Variants in GNB4 observed in about 807,000 individuals in gnomAD.
GNB4 encodes G protein subunit beta 4.
GNB4 carries 28 observed loss-of-function variants against 45.2 expected under a neutral mutation model. The ratio of observed to expected loss-of-function variants is 0.62; its 90% confidence interval spans 0.46 to 0.85. The LOEUF (loss-of-function observed/expected upper bound fraction) is 0.85. GNB4 is among the 40% of genes least tolerant of loss of function. The pLI is 0.00. For missense variants in GNB4, 321 were observed against 425.4 expected (o/e 0.75, Z 2.16); for synonymous variants, 132 against 143.7 (o/e 0.92, Z 0.58).
At chr3:179,408,872 C>T (rs1285076344) in intron 8 of GNB4, among the ~76,000 whole-genome samples, 1 of 151,380 alleles carries the variant, frequency 6.6e-6, no homozygotes, top group East Asian at 1.9e-4. Context: ...AAGGGCCAGG[C>T]ATGGTGGCTC....
chr3:179,472,079 T>C, the GNB4 span, among the ~76,000 whole-genome samples: 1 of 152,038 alleles, frequency 6.6e-6, no homozygotes, highest in African/African-American at 2.4e-5. Flanking sequence ...TTATTTTTTA[T>C]TTGGGAAAAA....
intron 2 of GNB4, among the ~76,000 whole-genome samples, chr3:179,425,826 T>C (rs1297627544): frequency 6.6e-6 from 1 of 152,238 alleles, no homozygotes; most frequent in African/African-American, 2.4e-5. Flanking sequence ...TAGTGTGACA[T>C]TATATTGTGA....
intron 1 of GNB4, among the ~76,000 whole-genome samples, chr3:179,450,475 A>C (rs1041706484): frequency 8.5e-5 from 13 of 152,222 alleles, no homozygotes; most frequent in Admixed American, 6.5e-4. Flanking sequence ...TAAATTTTGA[A>C]CGTTTTAAGA....
chr3:179,475,409 A>G, the GNB4 span, among the ~76,000 whole-genome samples: 66 of 151,632 alleles, frequency 4.4e-4, no homozygotes, highest in South Asian at 4.8e-3. Flanking sequence ...GTGAGCCACC[A>G]CACCTGGCCC....
At chr3:179,527,632 T>A in the GNB4 span, among the ~76,000 whole-genome samples, 1 of 152,194 alleles carries the variant, frequency 6.6e-6, no homozygotes, top group African/African-American at 2.4e-5. Context: ...AAAGTATAAA[T>A]TCAAATAGTT....
chr3:179,468,044 A>ATATG, the GNB4 span, among the ~76,000 whole-genome samples: 4 of 99,044 alleles, frequency 4.0e-5, no homozygotes, highest in Non-Finnish European at 9.3e-5. Flanking sequence ...AAATATATAT[A>ATATG]TATATAGAAC....
At chr3:179,519,774 T>A in the GNB4 span, among the ~76,000 whole-genome samples, 3 of 152,210 alleles carry the variant, frequency 2.0e-5, no homozygotes, top group South Asian at 6.2e-4. Flanking sequence ...CTCTACTCCC[T>A]CCTCGGCAAC....
At chr3:179,490,548 C>A in the GNB4 span, among the ~76,000 whole-genome samples, 1 of 152,148 alleles carries the variant, frequency 6.6e-6, no homozygotes, top group East Asian at 1.9e-4. Context: ...ATGTCAGTAG[C>A]ATGACTCAGT....
the GNB4 span, among the ~76,000 whole-genome samples, chr3:179,472,055 A>G: frequency 2.6e-5 from 4 of 152,148 alleles, no homozygotes; most frequent in Admixed American, 2.0e-4. Flanking sequence ...TAGAGGCATA[A>G]TCAGTCACAA....
chr3:179,464,722 T>C, the GNB4 span: 22 of 1,050,670 alleles, frequency 2.1e-5, no homozygotes, highest in African/African-American at 2.6e-4. Flanking sequence ...TATGATAATG[T>C]AGATGGCCTC....
intron 1 of GNB4, among the ~76,000 whole-genome samples, chr3:179,426,641 G>A (rs1031818070): frequency 2.6e-5 from 4 of 152,070 alleles, no homozygotes; most frequent in African/African-American, 4.8e-5. Flanking sequence ...CCCATCTCAG[G>A]AAACGGCAAG....
the GNB4 span, among the ~76,000 whole-genome samples, chr3:179,476,421 T>C: frequency 6.6e-5 from 10 of 152,208 alleles, no homozygotes; most frequent in Admixed American, 2.0e-4. Context: ...CTCTCTAGTG[T>C]TGGAGTCTTG....
intron 1 of GNB4, among the ~76,000 whole-genome samples, chr3:179,427,113 T>C (rs1715170912): frequency 6.6e-6 from 1 of 152,040 alleles, no homozygotes; most frequent in African/African-American, 2.4e-5. Context: ...CTCCTGCCTC[T>C]GCTTGGATAG....
chr3:179,506,266 A>G, the GNB4 span, among the ~76,000 whole-genome samples: 6 of 152,146 alleles, frequency 3.9e-5, no homozygotes, highest in Non-Finnish European at 8.8e-5. Context: ...TGAGCCCAAG[A>G]AGTGGAGGCT....
At chr3:179,509,081 C>T in the GNB4 span, among the ~76,000 whole-genome samples, 8 of 151,274 alleles carry the variant, frequency 5.3e-5, no homozygotes, top group East Asian at 1.4e-3. Flanking sequence ...GACAGCACAG[C>T]TTGTGGCCTT....
At chr3:179,485,163 ACCACAC>A in the GNB4 span, among the ~76,000 whole-genome samples, 24 of 151,954 alleles carry the variant, frequency 1.6e-4, no homozygotes, top group Admixed American at 1.1e-3. Context: ...GCCACCTGCC[ACCACAC>A]CCGGCTAGTT....
In GNB4 at chr3:179,400,476, T is replaced by TA. The variant is rs1368286761; in HGVS notation, c.*736dup. On this transcript the variant is annotated 3_prime_UTR_variant, in exon 10 of 10. Coordinates refer to ENST00000232564, the MANE Select transcript of GNB4 (RefSeq NM_021629.4). ...TGTCAACTGATCATAACCAGGCTTTTAAAATGTCAAGAACCATTTATATGC... is the reference window on the plus strand; with the variant it reads ...TGTCAACTGATCATAACCAGGCTTTTAAAAATGTCAAGAACCATTTATATGC... 2.0e-5 allele frequency: 3 copies of TA among 152,250 alleles called. No individual in the cohort carries two copies. Among genetic ancestry groups the TA allele is most frequent in the African/African-American group, 7.2e-5 (3 of 41,470 alleles). 9.4% of individuals were successfully genotyped at this position (152,250 alleles called of 1,614,324 possible).
At chr3:179,426,274 C>A in intron 1 of GNB4, 32 bp from the exon 2 acceptor site, 1 of 1,086,454 alleles carries the variant, frequency 9.2e-7, no homozygotes, top group South Asian at 1.4e-5. Flanking sequence ...GAGAAAGATT[C>A]AGTTCTCTAC....
chr3:179,431,356 A>G (rs1715303113), intron 1 of GNB4, among the ~76,000 whole-genome samples: 1 of 152,110 alleles, frequency 6.6e-6, no homozygotes, highest in African/African-American at 2.4e-5. Flanking sequence ...CAGGAGTTCG[A>G]GACCAGCCTG....
Sources: allele counts gnomAD v4.1 joint callset (sites outside exome capture counted in the v4.1 genomes callset), GRCh38; gene constraint gnomAD v4.1.1; transcripts MANE v1.5; gene names NCBI Gene and HGNC (gene_info 2026-07-23, HGNC 2026-07-21).